Variants in METTL16 observed in about 807,000 individuals in gnomAD.
METTL16 encodes RNA N(6)-adenosine-methyltransferase METTL16.
A neutral mutation model predicts 57.9 loss-of-function variants in METTL16; 19 were observed. That is an observed-to-expected ratio of 0.33 (90% confidence interval 0.23 to 0.48). The LOEUF (loss-of-function observed/expected upper bound fraction) is 0.48, where lower values mean the gene tolerates loss of function less well. Ranked by LOEUF, METTL16 falls within the 20% of genes least tolerant of loss-of-function variation. The pLI, the probability that METTL16 is intolerant of heterozygous loss-of-function variation, is 0.99. For synonymous variants in METTL16, 246 were observed against 255.6 expected, an observed-to-expected ratio of 0.96 and a Z score of 0.36; for missense variants, 434 against 691.5, an observed-to-expected ratio of 0.63 and a Z score of 4.18.
intron 6 of METTL16, among the ~76,000 whole-genome samples, chr17:2,443,837 T>G (rs1055385905): frequency 7.8e-4 from 118 of 152,158 alleles, no homozygotes; most frequent in African/African-American, 2.8e-3. Flanking sequence ...AGACCAGGTA[T>G]CCTTCATGAA....
At chr17:2,444,099 A>G (rs958410077) in intron 6 of METTL16, among the ~76,000 whole-genome samples, 5 of 152,216 alleles carry the variant, frequency 3.3e-5, no homozygotes, top group Non-Finnish European at 4.4e-5. Flanking sequence ...ATAAATACAT[A>G]CAGCCATGAG....
chr17:2,466,707 G>A (rs965202732), intron 5 of METTL16, among the ~76,000 whole-genome samples: 1 of 152,090 alleles, frequency 6.6e-6, no homozygotes, highest in African/African-American at 2.4e-5. Context: ...TCCTAGATTA[G>A]TTATAATACC....
chr17:2,426,030 C>CAAAAAAAAAAA (rs71375599), intron 8 of METTL16, among the ~76,000 whole-genome samples: 1 of 93,156 alleles, frequency 1.1e-5, no homozygotes. Context: ...ATGGCTAAGG[C>CAAAAAAAAAAA]AAAAAAAAAA....
intron 8 of METTL16, among the ~76,000 whole-genome samples, chr17:2,422,346 A>C (rs1281262096): frequency 5.3e-5 from 8 of 151,270 alleles, no homozygotes; most frequent in Admixed American, 2.0e-4. Context: ...AGAAAAAAAA[A>C]AAAACAAAAC....
chr17:2,507,932 G>T (rs1283015421), intron 1 of METTL16, among the ~76,000 whole-genome samples: 2 of 152,132 alleles, frequency 1.3e-5, no homozygotes, highest in African/African-American at 4.8e-5. Context: ...AAGGCAGCAT[G>T]CTCCTTAAGA....
In METTL16 at chr17:2,416,227, T is replaced by G. The variant is rs1256528838; in HGVS notation, c.*3743A>C. 6.6e-6 allele frequency: 1 copy of G among 152,184 alleles called. No homozygotes were observed. The allele number at this position is 152,184 out of a possible 1,614,324, so 9.4% of individuals were successfully genotyped here. A position where few individuals can be genotyped will look rare whatever the true frequency, so the allele number is the denominator to read the frequency against. ...GATAAAAGGGCCAAGGGTGCCCTCGTGTGGCCACGGAGGGAAATGCCGCGG... is the reference window on the plus strand; with the variant it reads ...GATAAAAGGGCCAAGGGTGCCCTCGGGTGGCCACGGAGGGAAATGCCGCGG... On this transcript the variant is annotated 3_prime_UTR_variant, in exon 10 of 10. Transcript: ENST00000263092.
intron 6 of METTL16, among the ~76,000 whole-genome samples, chr17:2,462,570 G>C (rs2067158271): frequency 6.6e-6 from 1 of 152,106 alleles, no homozygotes; most frequent in African/African-American, 2.4e-5. Context: ...TCCCCTTGCT[G>C]TTCTGGTGAC....
At chr17:2,438,495 T>C (rs1384979236) in intron 7 of METTL16, among the ~76,000 whole-genome samples, 2 of 152,050 alleles carry the variant, frequency 1.3e-5, no homozygotes, top group South Asian at 4.1e-4. Flanking sequence ...ATGACTCAAG[T>C]GAGTTTTTTT....
chr17:2,493,373 A>G (rs1397477863), intron 2 of METTL16, among the ~76,000 whole-genome samples: 2 of 150,110 alleles, frequency 1.3e-5, no homozygotes, highest in East Asian at 4.1e-4. Context: ...ACAGGCAGCC[A>G]CCACACCCAG....
chr17:2,460,218 G>C (rs2067139743), intron 6 of METTL16: 1 of 152,080 alleles, frequency 6.6e-6, no homozygotes, highest in Non-Finnish European at 1.5e-5. Context: ...TCCTCACAGA[G>C]AAGAAAGTTG....
intron 1 of METTL16, among the ~76,000 whole-genome samples, chr17:2,502,930 A>T (rs1400852270): frequency 5.9e-5 from 9 of 152,156 alleles, no homozygotes; most frequent in Non-Finnish European, 5.9e-5. Flanking sequence ...ATAAAAAATT[A>T]AAAAAACAGA....
At position 2,511,801 on chromosome 17, in the gene METTL16, G is replaced by A. The variant is rs2067591358; in HGVS notation, c.-43C>T. 6 of 398,608 alleles carry A rather than the reference G, an allele frequency of 1.5e-5. No individual in the cohort carries two copies. Among genetic ancestry groups the A allele is most frequent in the Non-Finnish European group, 2.7e-5 (6 of 226,088 alleles). The allele number at this position is 398,608 out of a possible 1,614,324, so 24.7% of individuals were successfully genotyped here. On this transcript the variant is annotated 5_prime_UTR_variant, in exon 1 of 10. Coordinates refer to ENST00000263092, the MANE Select transcript of METTL16 (RefSeq NM_024086.4). ...CTGCCAGACGTCGTGTCTGGCGTGG[G>A]CCTGTACAACCCTAGAATCTTAAAG...
At chr17:2,470,569 G>T (rs1469626548) in intron 4 of METTL16, among the ~76,000 whole-genome samples, 1 of 152,198 alleles carries the variant, frequency 6.6e-6, no homozygotes, top group African/African-American at 2.4e-5. Context: ...AGCACTTTGG[G>T]AGGCTGAGGC....
intron 8 of METTL16, among the ~76,000 whole-genome samples, chr17:2,422,345 A>G (rs544509857): frequency 1.5e-4 from 22 of 151,248 alleles, no homozygotes; most frequent in Non-Finnish European, 2.1e-4. Context: ...TAGAAAAAAA[A>G]AAAAACAAAA....
At chr17:2,472,012 G>A (rs1018736888) in intron 4 of METTL16, among the ~76,000 whole-genome samples, 1 of 151,852 alleles carries the variant, frequency 6.6e-6, no homozygotes, top group African/African-American at 2.4e-5. Context: ...TACTTAGGAG[G>A]CTGAAGCAGG....
At chr17:2,499,926 G>A (rs1431835189) in intron 2 of METTL16, among the ~76,000 whole-genome samples, 1 of 151,918 alleles carries the variant, frequency 6.6e-6, no homozygotes, top group Admixed American at 6.6e-5. Context: ...CTAATTTTTT[G>A]TATTTTTAAT....
intron 8 of METTL16, among the ~76,000 whole-genome samples, chr17:2,430,412 CTTTTTTTTTT>C (rs903960118): frequency 8.4e-6 from 1 of 118,496 alleles, no homozygotes; most frequent in East Asian, 2.4e-4. Flanking sequence ...TTAGAATTCT[CTTTTTTTTTT>C]TTTTTTTTTT....
intron 2 of METTL16, among the ~76,000 whole-genome samples, chr17:2,481,665 A>C (rs958607499): frequency 2.0e-5 from 3 of 152,206 alleles, no homozygotes; most frequent in African/African-American, 7.2e-5. Context: ...AACATAAGAG[A>C]GGTTAATAAT....
chr17:2,467,663 T>C (rs1248765047), intron 5 of METTL16, 98 bp downstream of exon 5: 2 of 818,040 alleles, frequency 2.4e-6, no homozygotes, highest in South Asian at 1.5e-5. Flanking sequence ...CCTGACTTCA[T>C]GATTCACCCG....
Sources: allele counts gnomAD v4.1 joint callset (sites outside exome capture counted in the v4.1 genomes callset), GRCh38; gene constraint gnomAD v4.1.1; transcripts MANE v1.5; gene names NCBI Gene and HGNC (gene_info 2026-07-23, HGNC 2026-07-21).